Variants in MYO7A observed in about 807,000 individuals in gnomAD.
The protein encoded by MYO7A is myosin VIIA, also known as unconventional myosin-VIIa.
MYO7A carries 210 observed loss-of-function variants against 263.8 expected under a neutral mutation model. The observed-to-expected ratio is 0.80, with a 90% confidence interval of 0.71 to 0.89. The LOEUF (loss-of-function observed/expected upper bound fraction) is 0.89. MYO7A is among the 40% of genes least tolerant of loss of function. The pLI is 0.00. For missense variants in MYO7A, 2,820 were observed against 2,968.3 expected, an observed-to-expected ratio of 0.95 and a Z score of 1.16; for synonymous variants, 1,239 against 1,197.3, an observed-to-expected ratio of 1.03 and a Z score of -0.72.
Position 77,172,829 on chromosome 11 carries a change from G to A in MYO7A, c.1879G>A (p.Ala627Thr), listed in dbSNP as rs2135407452. 7 of 1,552,652 alleles carry A rather than the reference G, an allele frequency of 4.5e-6. No individual in the cohort carries two copies. The South Asian group carries it at 5.9e-5, about 13-fold the overall frequency. ...SLELLMRTLG[A>T]CQPFFVRCIK... ...GGAGCTGCTGATGCGCACGCTGGGT[G>A]CCTGCCAGCCCTTCTTTGTGCGATG... The change falls in exon 16 of 49, where the codon GCC becomes ACC. Residue 627 changes from alanine (A) to threonine (T), a missense_variant. Ala to Thr is a moderately conservative substitution (Grantham distance 58, BLOSUM62 0). Transcript: ENST00000409709.
At chr11:77,154,570 C>T (rs1028797158) in intron 4 of MYO7A, among the ~76,000 whole-genome samples, 4 of 152,184 alleles carry the variant, frequency 2.6e-5, no homozygotes, top group African/African-American at 4.8e-5. Context: ...CTCCAGCTGG[C>T]GTCTTATTTG....
chr11:77,200,663 C>T (rs892103574), intron 35 of MYO7A, among the ~76,000 whole-genome samples: 2 of 152,256 alleles, frequency 1.3e-5, no homozygotes, highest in Admixed American at 1.3e-4. Context: ...ATCTTGTTCC[C>T]ATCTTTCCCC....
intron 4 of MYO7A, among the ~76,000 whole-genome samples, chr11:77,154,639 A>T (rs1172809593): frequency 2.2e-5 from 1 of 44,934 alleles, no homozygotes; most frequent in Non-Finnish European, 4.4e-5. Flanking sequence ...ACCCCACCCC[A>T]GCTCTTCCTG....
At chr11:77,147,754 G>A (rs782024717) in intron 3 of MYO7A, 44 bp from the exon 4 acceptor site, 5 of 1,598,066 alleles carry the variant, frequency 3.1e-6, no homozygotes, top group Non-Finnish European at 4.3e-6. Flanking sequence ...GAAGTGCGCA[G>A]CCTGGGCCCC....
At chr11:77,189,737 C>T (rs1955899258) in intron 28 of MYO7A, among the ~76,000 whole-genome samples, 1 of 152,238 alleles carries the variant, frequency 6.6e-6, no homozygotes, top group South Asian at 2.1e-4. Context: ...TTGGGGCAGG[C>T]CCTGGGCGCT....
intron 3 of MYO7A, 39 bp from the exon 4 acceptor site, chr11:77,147,759 G>A (rs1951677201): frequency 6.2e-7 from 1 of 1,601,118 alleles, no homozygotes; most frequent in Admixed American, 1.7e-5. Flanking sequence ...GCGCAGCCTG[G>A]GCCCCAGGAG....
At chr11:77,185,286 A>G (rs142600348) in intron 27 of MYO7A, among the ~76,000 whole-genome samples, 3 of 152,232 alleles carry the variant, frequency 2.0e-5, no homozygotes, top group Admixed American at 2.0e-4. Flanking sequence ...GTAGCATGCA[A>G]TGCTGTTTGA....
At chr11:77,137,614 C>T (rs558288379) in intron 2 of MYO7A, among the ~76,000 whole-genome samples, 36 of 152,332 alleles carry the variant, frequency 2.4e-4, no homozygotes, top group Non-Finnish European at 4.4e-4. Flanking sequence ...TGGACCGACG[C>T]CTGGTGTCCA....
At chr11:77,151,723 T>C (rs552284708) in intron 4 of MYO7A, among the ~76,000 whole-genome samples, 99 of 152,362 alleles carry the variant, frequency 6.5e-4, no homozygotes, top group African/African-American at 2.3e-3. Context: ...CTTAGAGAGA[T>C]TGGCCAGAGG....
chr11:77,171,857 C>T (rs1555076209), intron 15 of MYO7A, among the ~76,000 whole-genome samples: 1 of 152,212 alleles, frequency 6.6e-6, no homozygotes, highest in Non-Finnish European at 1.5e-5. Flanking sequence ...GCTTCCCCCA[C>T]CTCATTTCAC....
chr11:77,202,190 C>T lies in MYO7A; in HGVS notation c.5044-110C>T, dbSNP rs143296882. 2.9e-5 allele frequency: 40 copies of T among 1,357,962 alleles called. 1 individual carries two copies. In the African/African-American group the frequency reaches 5.4e-4, roughly 18 times the overall value. 84.1% of individuals were successfully genotyped at this position (1,357,962 alleles called of 1,614,324 possible). ...CAGGGTCAGAATGGGGCATGGGGTC[C>T]ATACCCCTGAAGAGTCTCCCAGAGT... On this transcript the variant is annotated intron_variant, in intron 36 of 48. Coordinates refer to ENST00000409709, the MANE Select transcript of MYO7A (RefSeq NM_000260.4).
chr11:77,165,437 G>A (rs571514764), intron 14 of MYO7A, among the ~76,000 whole-genome samples: 1 of 152,316 alleles, frequency 6.6e-6, no homozygotes, highest in African/African-American at 2.4e-5. Context: ...GGGATCCTGG[G>A]TTCTGGGTGC....
chr11:77,184,450 C>T (rs1955508928), intron 26 of MYO7A, 138 bp from the exon 27 acceptor site: 6 of 714,866 alleles, frequency 8.4e-6, no homozygotes, highest in East Asian at 5.4e-5. Flanking sequence ...GGGGTAATGA[C>T]AGTGATGGGG....
At chr11:77,144,838 T>G (rs1276415938) in intron 3 of MYO7A, among the ~76,000 whole-genome samples, 1 of 152,208 alleles carries the variant, frequency 6.6e-6, no homozygotes, top group Admixed American at 6.5e-5. Context: ...CCATTTCTGT[T>G]GCCAGATACA....
chr11:77,163,633 C>T (rs548059208), intron 14 of MYO7A, among the ~76,000 whole-genome samples: 2 of 152,292 alleles, frequency 1.3e-5, no homozygotes, highest in South Asian at 4.1e-4. Context: ...ACTATTGTAT[C>T]TGCAGTTGGC....
At chr11:77,157,213 G>A (rs1004821378) in intron 7 of MYO7A, 66 bp from the exon 8 acceptor site, 1 of 1,404,056 alleles carries the variant, frequency 7.1e-7, no homozygotes, top group East Asian at 2.4e-5. Flanking sequence ...ATCATCCCAG[G>A]CTAGTTCCTG....
chr11:77,212,759 C>A, intron 46 of MYO7A, 193 bp from the exon 47 acceptor site: 1 of 610,020 alleles, frequency 1.6e-6, no homozygotes, highest in Non-Finnish European at 2.9e-6. Flanking sequence ...GCCTGGGGGA[C>A]CCAGGAAGGG....
rs768874284 is a variant in MYO7A, at chr11:77,211,189, C to T, written c.6089C>T (p.Thr2030Met). 24 of 1,592,570 alleles carry T rather than the reference C, an allele frequency of 1.5e-5. No homozygotes were observed. Among genetic ancestry groups the T allele is most frequent in the East Asian group, 9.1e-5 (4 of 43,898 alleles). Residue 2030 changes from threonine to methionine, a missense_variant, in exon 45 of 49, where the codon ACG becomes ATG. Thr to Met is a moderately conservative substitution (Grantham distance 81). Transcript: ENST00000409709. ...PKYLRGYHKC[T>M]REEVLQLGAL... Reference sequence around the variant, plus strand: ...TATCTCCGAGGCTACCACAAGTGCACGCGGGAGGAGGTGCTGCAGCTGGGG... The same window carrying T: ...TATCTCCGAGGCTACCACAAGTGCATGCGGGAGGAGGTGCTGCAGCTGGGG...
rs116517461 is a variant in MYO7A at position 77,200,530 on chromosome 11, C to T, written c.4852+712C>T. The stretch of plus-strand genomic sequence containing the variant: ...CCACTCCCATGACCCAAACACCTCA[C>T]ACTAGGCCACTGCCAACACTGGGAG... On this transcript the variant is annotated intron_variant, in intron 35 of 48. Coordinates refer to ENST00000409709, the MANE Select transcript of MYO7A (RefSeq NM_000260.4). Among the ~76,000 whole-genome samples the T allele has an allele frequency of 1.9e-3, 290 of 152,364 alleles. 1 individual carries two copies. Among genetic ancestry groups the T allele is most frequent in the African/African-American group, 6.3e-3 (263 of 41,594 alleles).
Sources: gnomAD v4.1 joint callset for allele counts (sites outside exome capture counted in the v4.1 genomes callset) on GRCh38, gnomAD v4.1.1 for gene constraint, MANE v1.5 for transcripts, NCBI Gene and HGNC (gene_info 2026-07-23, HGNC 2026-07-21) for gene names.